Variants in ZDHHC21 observed in about 807,000 individuals in gnomAD.
The protein encoded by ZDHHC21 is palmitoyltransferase ZDHHC21.
In ZDHHC21, 15 loss-of-function variants were observed where a neutral mutation model predicts 34.6. That is an observed-to-expected ratio of 0.43 (90% confidence interval 0.29 to 0.67). ZDHHC21 has a LOEUF of 0.67. ZDHHC21 is among the 30% of genes least tolerant of loss of function. The probability of loss-of-function intolerance (pLI) is 0.14; values close to 1 mark genes in which losing one functional copy is unlikely to be tolerated. For synonymous variants in ZDHHC21, 142 were observed against 101.8 expected, an observed-to-expected ratio of 1.40 and a Z score of -2.38; for missense variants, 344 against 327.7, an observed-to-expected ratio of 1.05 and a Z score of -0.38.
At chr9:14,602,150 A>G in the ZDHHC21 span, among the ~76,000 whole-genome samples, 2 of 151,978 alleles carry the variant, frequency 1.3e-5, no homozygotes, top group Non-Finnish European at 2.9e-5. Flanking sequence ...GTATAATAAT[A>G]ATAATAAAAA....
At chr9:14,593,356 T>C in the ZDHHC21 span, among the ~76,000 whole-genome samples, 93,992 of 152,102 alleles carry the variant, frequency 0.62, 29,539 homozygotes, top group African/African-American at 0.69. Flanking sequence ...TAAGGGACTA[T>C]TATGAACAAC....
intron 7 of ZDHHC21, among the ~76,000 whole-genome samples, chr9:14,656,309 G>C (rs1564311689): frequency 6.6e-6 from 1 of 151,766 alleles, no homozygotes; most frequent in Non-Finnish European, 1.5e-5. Context: ...AACTTAAGTA[G>C]GTTAGAACAG....
the ZDHHC21 span, among the ~76,000 whole-genome samples, chr9:14,591,662 C>G: frequency 6.6e-6 from 1 of 152,158 alleles, no homozygotes; most frequent in Non-Finnish European, 1.5e-5. Context: ...CAAATTGAGA[C>G]ATAACATCAG....
rs1167842176 is a variant in ZDHHC21 at position 14,611,809 on chromosome 9, C to CA, written c.*7156dup. 1 of 152,046 alleles carries CA rather than the reference C, an allele frequency of 6.6e-6. No homozygotes were observed. Among genetic ancestry groups the CA allele is most frequent in the East Asian group, 1.9e-4 (1 of 5,194 alleles). The allele number at this position is 152,046 out of a possible 1,614,324, so 9.4% of individuals were successfully genotyped here. A position where few individuals can be genotyped will look rare whatever the true frequency, so the allele number is the denominator to read the frequency against. On this transcript the variant is annotated 3_prime_UTR_variant, in exon 10 of 10. Transcript: ENST00000380916. ...TAGCTTTGTCCTCCCGTGTTAGACTCACAATTCACTTGTCGGAATATCTCT... is the reference window on the plus strand; with the variant it reads ...TAGCTTTGTCCTCCCGTGTTAGACTCAACAATTCACTTGTCGGAATATCTCT...
chr9:14,682,303 G>C lies in ZDHHC21; in HGVS notation c.-175-2141C>G, dbSNP rs370585932. ...GCTGTATTCAGGAGACCCATCTCAC[G>C]TGCAGAGACACACATAGGCTCAAAA... On this transcript the variant is annotated intron_variant, in intron 2 of 9. Coordinates refer to ENST00000380916, the MANE Select transcript of ZDHHC21 (RefSeq NM_178566.6). Among the ~76,000 whole-genome samples, 6 of 152,200 alleles carry C rather than the reference G, an allele frequency of 3.9e-5. No homozygotes were observed. In the East Asian group the frequency reaches 1.2e-3, roughly 29 times the overall value.
At position 14,671,119 on chromosome 9, in the gene ZDHHC21, CA is replaced by C. The variant is rs930208949; in HGVS notation, c.253+1710del. Among the ~76,000 whole-genome samples, 10 of 150,772 alleles carry C rather than the reference CA, an allele frequency of 6.6e-5. No homozygotes were observed. The South Asian group carries it at 1.1e-3, about 16-fold the overall frequency. ...GAAAAATCAAAATATAAAACAAAAC[CA>C]AAAAAAAGGCAAACTCCATGACTGA... On this transcript the variant is annotated intron_variant, in intron 5 of 9. Coordinates refer to ENST00000380916, the MANE Select transcript of ZDHHC21 (RefSeq NM_178566.6).
intron 7 of ZDHHC21, among the ~76,000 whole-genome samples, chr9:14,658,013 T>C (rs1039597815): frequency 1.3e-5 from 2 of 152,192 alleles, no homozygotes; most frequent in African/African-American, 4.8e-5. Flanking sequence ...GTGGATAACT[T>C]TTTAAAGCAT....
chr9:14,670,051 C>T (rs1835180207), intron 5 of ZDHHC21, among the ~76,000 whole-genome samples: 1 of 151,290 alleles, frequency 6.6e-6, no homozygotes. Context: ...AACAAAAAAA[C>T]TTTGAATTCA....
At chr9:14,639,772 A>G in intron 8 of ZDHHC21, 124 bp downstream of exon 8, 1 of 519,414 alleles carries the variant, frequency 1.9e-6, no homozygotes. Context: ...TAGGCACATG[A>G]AAGTATTAAA....
the ZDHHC21 span, among the ~76,000 whole-genome samples, chr9:14,601,093 A>T: frequency 6.6e-6 from 1 of 152,230 alleles, no homozygotes. Flanking sequence ...GGCATGGACA[A>T]AGACTTCATG....
rs1016691508 is a variant in ZDHHC21 at position 14,613,767 on chromosome 9, A to T, written c.*5199T>A. ...ATTGTTTATTTTTCCTCTGGTGACA[A>T]AATTTTCTATACACTCAGTATCTTT... is the stretch of plus-strand genomic sequence containing the variant. On this transcript the variant is annotated 3_prime_UTR_variant, in exon 10 of 10. Coordinates refer to ENST00000380916, the MANE Select transcript of ZDHHC21 (RefSeq NM_178566.6). 6.6e-6 allele frequency: 1 copy of T among 151,754 alleles called. No homozygotes were observed. The highest frequency in any genetic ancestry group is 1.5e-5 in the Non-Finnish European group (1 of 67,758). The allele number at this position is 151,754 out of a possible 1,614,324, so 9.4% of individuals were successfully genotyped here.
intron 7 of ZDHHC21, among the ~76,000 whole-genome samples, chr9:14,647,159 G>A (rs1371984877): frequency 6.6e-6 from 1 of 152,032 alleles, no homozygotes; most frequent in Admixed American, 6.6e-5. Context: ...ACCAGCAGAG[G>A]AGGAGAGGGT....
At chr9:14,603,436 G>C in the ZDHHC21 span, among the ~76,000 whole-genome samples, 26 of 151,902 alleles carry the variant, frequency 1.7e-4, no homozygotes, top group African/African-American at 5.8e-4. Context: ...TATACTTCAA[G>C]GACACAAATG....
At chr9:14,639,613 C>T (rs1449253272) in intron 8 of ZDHHC21, among the ~76,000 whole-genome samples, 1 of 151,734 alleles carries the variant, frequency 6.6e-6, no homozygotes, top group East Asian at 1.9e-4. Context: ...TCATATGTAC[C>T]CCATAAATAC....
At chr9:14,650,412 T>C (rs772364633) in intron 7 of ZDHHC21, among the ~76,000 whole-genome samples, 8 of 151,984 alleles carry the variant, frequency 5.3e-5, no homozygotes, top group Non-Finnish European at 1.0e-4. Flanking sequence ...TTCTTGACTC[T>C]TGGCTATTCT....
At chr9:14,651,036 A>T (rs1424625132) in intron 7 of ZDHHC21, among the ~76,000 whole-genome samples, 1 of 152,016 alleles carries the variant, frequency 6.6e-6, no homozygotes, top group Non-Finnish European at 1.5e-5. Flanking sequence ...ACCATCAAAG[A>T]TTAGCTGTAT....
chr9:14,651,962 T>C (rs1407771777), intron 7 of ZDHHC21, among the ~76,000 whole-genome samples: 2 of 151,900 alleles, frequency 1.3e-5, no homozygotes, highest in East Asian at 3.9e-4. Context: ...TGCCAATAAA[T>C]ATTTAAAGTC....
In ZDHHC21 at chr9:14,614,417, AAAG is replaced by A. The variant is rs1468746071; in HGVS notation, c.*4546_*4548del. 2 of 151,794 alleles carry A rather than the reference AAAG, an allele frequency of 1.3e-5. No individual in the cohort carries two copies. Among genetic ancestry groups the A allele is most frequent in the African/African-American group, 4.8e-5 (2 of 41,432 alleles). 9.4% of individuals were successfully genotyped at this position (151,794 alleles called of 1,614,324 possible). On this transcript the variant is annotated 3_prime_UTR_variant, in exon 10 of 10. Coordinates refer to ENST00000380916, the MANE Select transcript of ZDHHC21 (RefSeq NM_178566.6). ...TGCTAAAAATTGCACAATGATAATA[AAAG>A]AAGTCAGAAAAGTCACTTTCCTGAA...
intron 8 of ZDHHC21, among the ~76,000 whole-genome samples, chr9:14,625,358 T>C (rs1826021319): frequency 6.6e-6 from 1 of 152,060 alleles, no homozygotes; most frequent in South Asian, 2.1e-4. Context: ...GATCTGAAGT[T>C]CACATAAACA....
Sources: allele counts gnomAD v4.1 joint callset (sites outside exome capture counted in the v4.1 genomes callset), GRCh38; gene constraint gnomAD v4.1.1; transcripts MANE v1.5; gene names NCBI Gene and HGNC (gene_info 2026-07-23, HGNC 2026-07-21).